The following GPA33 variants were observed in gnomAD, a reference collection of about 807,000 sequenced individuals.
GPA33 encodes the protein glycoprotein A33.
Under a neutral mutation model 35.6 loss-of-function variants are expected in GPA33, and 27 were observed. That is an observed-to-expected ratio of 0.76 (90% CI 0.56 to 1.04). GPA33 has a LOEUF of 1.04. Ranked by LOEUF, GPA33 falls within the 50% of genes least tolerant of loss-of-function variation. The pLI, the probability that GPA33 is intolerant of heterozygous loss-of-function variation, is 0.00. For missense variants in GPA33, 428 were observed against 411.9 expected (o/e 1.04, Z -0.34); for synonymous variants, 176 against 164.0 (o/e 1.07, Z -0.56).
Position 167,071,318 on chromosome 1 carries a change from T to G in GPA33, c.198+2067A>C, listed in dbSNP as rs190157232. ...AGATGGCTGAATGAAGTGTACTGAATTGAGCGAAAAAAGAGGTTGCTGTTG... is the reference window on the plus strand; with the variant it reads ...AGATGGCTGAATGAAGTGTACTGAAGTGAGCGAAAAAAGAGGTTGCTGTTG... On this transcript the variant is annotated intron_variant, in intron 2 of 6. Transcript: ENST00000367868. 3.3e-5 allele frequency among the ~76,000 whole-genome samples: 5 copies of G among 152,228 alleles called. No individual in the cohort carries two copies. The East Asian group carries it at 7.7e-4, about 24-fold the overall frequency.
At position 167,075,697 on chromosome 1, in the gene GPA33, G is replaced by C. The variant is rs185338988; in HGVS notation, c.44-2158C>G. 3.3e-5 allele frequency among the ~76,000 whole-genome samples: 5 copies of C among 152,292 alleles called. No homozygotes were observed. The East Asian group carries it at 9.6e-4, about 29-fold the overall frequency. On this transcript the variant is annotated intron_variant, in intron 1 of 6. Transcript: ENST00000367868. ...TTTGGGAGTCACCGGCTCTCCATCA[G>C]TTAAGGTCAGAGGATGTTGAGGATC...
intron 1 of GPA33, among the ~76,000 whole-genome samples, chr1:167,080,116 G>T (rs1012028997): frequency 3.3e-5 from 5 of 152,074 alleles, no homozygotes; most frequent in Non-Finnish European, 5.9e-5. Flanking sequence ...AGTAGCTGTG[G>T]CTCTCCCATC....
intron 1 of GPA33, among the ~76,000 whole-genome samples, chr1:167,080,332 G>A (rs573500526): frequency 1.4e-4 from 21 of 152,302 alleles, no homozygotes; most frequent in Admixed American, 5.2e-4. Context: ...AAGTGCAAGC[G>A]CCTTTACCTG....
At chr1:167,078,374 A>C (rs182933871) in intron 1 of GPA33, among the ~76,000 whole-genome samples, 2 of 152,182 alleles carry the variant, frequency 1.3e-5, no homozygotes, top group Non-Finnish European at 2.9e-5. Context: ...ATAGAAGAGA[A>C]CTCAGTGTGA....
chr1:167,080,765 C>T (rs1023437198), intron 1 of GPA33, among the ~76,000 whole-genome samples: 5 of 152,260 alleles, frequency 3.3e-5, no homozygotes, highest in Non-Finnish European at 7.3e-5. Flanking sequence ...TCATGTCTCT[C>T]TCCTCTGCTG....
At position 167,077,440 on chromosome 1, in the gene GPA33, C is replaced by T. The variant is rs1184544103; in HGVS notation, c.44-3901G>A. 4.6e-5 allele frequency among the ~76,000 whole-genome samples: 7 copies of T among 152,110 alleles called. No individual in the cohort carries two copies. In the East Asian group the frequency reaches 7.7e-4, roughly 17 times the overall value. ...CTGGACCAGGGCATTTTCCCTGGAG[C>T]GCTGTCCTCACGGTGACCACTCTTG... On this transcript the variant is annotated intron_variant, in intron 1 of 6. Transcript: ENST00000367868.
chr1:167,056,881 G>A (rs369978586), intron 4 of GPA33, among the ~76,000 whole-genome samples: 2,165 of 23,122 alleles, frequency 0.094, no homozygotes, highest in Middle Eastern at 0.22. Flanking sequence ...TGTGGTGTGT[G>A]TGGTGTGTGT....
chr1:167,082,181 C>CAG (rs138801199), intron 1 of GPA33: 4 of 435,096 alleles, frequency 9.2e-6, no homozygotes, highest in East Asian at 7.2e-5. Flanking sequence ...CAATCACAGA[C>CAG]AGAGAGAGAG....
At chr1:167,063,348 G>T (rs1289802305) in intron 4 of GPA33, among the ~76,000 whole-genome samples, 1 of 152,220 alleles carries the variant, frequency 6.6e-6, no homozygotes, top group African/African-American at 2.4e-5. Context: ...GGAGGAGGTT[G>T]CAGTGAGCTG....
At chr1:167,070,761 A>T (rs952548128) in intron 2 of GPA33, among the ~76,000 whole-genome samples, 1 of 152,234 alleles carries the variant, frequency 6.6e-6, no homozygotes, top group African/African-American at 2.4e-5. Context: ...GGCAATGCAG[A>T]TGGAAAGAAT....
intron 4 of GPA33, among the ~76,000 whole-genome samples, chr1:167,059,418 A>T (rs1666383822): frequency 6.6e-6 from 1 of 151,896 alleles, no homozygotes; most frequent in African/African-American, 2.4e-5. Flanking sequence ...CCCTCAAGAG[A>T]ACCTCCTGTC....
chr1:167,061,619 G>A (rs113048389), intron 4 of GPA33, among the ~76,000 whole-genome samples: 18,654 of 125,390 alleles, frequency 0.15, 1,733 homozygotes, highest in Middle Eastern at 0.21. Context: ...TTTTTGAGAC[G>A]GAGTCTCGCT....
chr1:167,054,757 C>T (rs548776013), intron 6 of GPA33, among the ~76,000 whole-genome samples: 8 of 152,248 alleles, frequency 5.3e-5, no homozygotes, highest in East Asian at 3.9e-4. Flanking sequence ...ACAGGAAGCC[C>T]GGCCCTGAGC....
At chr1:167,075,065 C>A (rs1441165077) in intron 1 of GPA33, among the ~76,000 whole-genome samples, 2 of 151,906 alleles carry the variant, frequency 1.3e-5, no homozygotes, top group Non-Finnish European at 2.9e-5. Flanking sequence ...CCACGCCCAG[C>A]TAATTTTGTA....
intron 1 of GPA33, among the ~76,000 whole-genome samples, chr1:167,083,553 G>T (rs751811975): frequency 6.6e-6 from 1 of 152,142 alleles, no homozygotes; most frequent in Non-Finnish European, 1.5e-5. Flanking sequence ...CTGCTCTCAC[G>T]GCGTTCACTG....
Position 167,054,043 on chromosome 1 carries a change from A to T in GPA33, c.*291T>A, listed in dbSNP as rs1449251069. On this transcript the variant is annotated 3_prime_UTR_variant, in exon 7 of 7. Coordinates refer to ENST00000367868, the MANE Select transcript of GPA33 (RefSeq NM_005814.3). ...CGCTGTGCTTCCAGGAGCTCCTGCC[A>T]ACTACGAGGGAAGTGGAGGCTGCAG... 2.4e-6 allele frequency: 1 copy of T among 419,766 alleles called. No individual in the cohort carries two copies. The highest frequency in any genetic ancestry group is 2.0e-5 in the African/African-American group (1 of 49,364). 26.0% of individuals were successfully genotyped at this position (419,766 alleles called of 1,614,324 possible). A position where few individuals can be genotyped will look rare whatever the true frequency, so the allele number is the denominator to read the frequency against.
Position 167,055,086 on chromosome 1 carries a change from C to A in GPA33, c.717G>T (p.Val239=), listed in dbSNP as rs1264300998. The change falls in exon 6 of 7, where the codon GTG becomes GTT. Residue 239 remains valine (V), a synonymous_variant. Transcript: ENST00000367868. ...RSPSMNVALY[V]GIAVGVVAAL... is the part of the protein sequence containing the mutation. ...CTGCAACCACGCCCACCGCGATGCC[C>A]ACATACAGGGCCACGTTCATGGAGG... 3 of 1,613,416 alleles carry A rather than the reference C, an allele frequency of 1.9e-6. No individual in the cohort carries two copies. The highest frequency in any genetic ancestry group is 2.7e-5 in the African/African-American group (2 of 74,928).
chr1:167,063,401 C>T (rs1444166751), intron 4 of GPA33, among the ~76,000 whole-genome samples, 181 bp downstream of exon 4: 1 of 152,204 alleles, frequency 6.6e-6, no homozygotes, highest in African/African-American at 2.4e-5. Context: ...CCTGGCGAGA[C>T]TCTGTCTAAA....
chr1:167,069,559 C>A (rs1666674859), intron 2 of GPA33, among the ~76,000 whole-genome samples: 1 of 152,208 alleles, frequency 6.6e-6, no homozygotes, highest in Non-Finnish European at 1.5e-5. Flanking sequence ...GCCTTGGCTG[C>A]CAAACCCACT....
Sources: gnomAD v4.1 joint callset for allele counts (sites outside exome capture counted in the v4.1 genomes callset) on GRCh38, gnomAD v4.1.1 for gene constraint, MANE v1.5 for transcripts, NCBI Gene and HGNC (gene_info 2026-07-23, HGNC 2026-07-21) for gene names.